The following LRIT2 variants were observed in gnomAD, a reference collection of about 807,000 sequenced individuals.
LRIT2 encodes leucine rich repeat, Ig-like and transmembrane domains 2, also known as leucine-rich repeat, immunoglobulin-like domain and transmembrane domain-containing protein 2.
In LRIT2, 23 loss-of-function variants were observed where a neutral mutation model predicts 22.4. That is an observed-to-expected ratio of 1.03 (90% CI 0.74 to 1.45). The LOEUF (loss-of-function observed/expected upper bound fraction) is 1.45, where lower values mean the gene tolerates loss of function less well. Ranked by LOEUF, LRIT2 falls within the 40% of genes most tolerant of loss-of-function variation. The pLI is 0.00. For missense variants in LRIT2, 784 were observed against 665.6 expected, an observed-to-expected ratio of 1.18 and a Z score of -1.96; for synonymous variants, 291 against 267.1, an observed-to-expected ratio of 1.09 and a Z score of -0.87.
chr10:84,225,315 G>T, intron 1 of LRIT2, 96 bp downstream of exon 1: 2 of 1,422,856 alleles, frequency 1.4e-6, no homozygotes, highest in Non-Finnish European at 1.9e-6. Flanking sequence ...GAGTTTTGCT[G>T]ATTTCCTGCC....
rs886272727 is a variant in LRIT2 at position 84,221,752 on chromosome 10, A to G, written c.*168T>C. ...ACTATGTCCCCTTTATCATGAAGATAAAGACTCTGTTTCCCTTTTTACTCT... is the reference window on the plus strand; with the variant it reads ...ACTATGTCCCCTTTATCATGAAGATGAAGACTCTGTTTCCCTTTTTACTCT... On this transcript the variant is annotated 3_prime_UTR_variant, in exon 3 of 3. Transcript: ENST00000372113. 1.6e-5 allele frequency: 8 copies of G among 492,554 alleles called. No homozygotes were observed. The highest frequency in any genetic ancestry group is 1.1e-3 in the Middle Eastern group (2 of 1,824). 30.5% of individuals were successfully genotyped at this position (492,554 alleles called of 1,614,324 possible). A position where few individuals can be genotyped will look rare whatever the true frequency, so the allele number is the denominator to read the frequency against.
chr10:84,224,009 G>A (rs1165260543), intron 2 of LRIT2, among the ~76,000 whole-genome samples: 1 of 152,220 alleles, frequency 6.6e-6, no homozygotes, highest in Non-Finnish European at 1.5e-5. Flanking sequence ...TTTGCATCTA[G>A]AAGATTCCCA....
intron 2 of LRIT2, among the ~76,000 whole-genome samples, chr10:84,223,331 C>T (rs1218622573): frequency 6.6e-6 from 1 of 151,976 alleles, no homozygotes; most frequent in Non-Finnish European, 1.5e-5. Context: ...AACACGTTGC[C>T]AAACAGTGAT....
In LRIT2 at chr10:84,220,934, T is replaced by C. The variant is rs766126878; in HGVS notation, c.*986A>G. 6.6e-6 allele frequency: 1 copy of C among 152,208 alleles called. No individual in the cohort carries two copies. The highest frequency in any genetic ancestry group is 1.5e-5 in the Non-Finnish European group (1 of 68,048). 9.4% of individuals were successfully genotyped at this position (152,208 alleles called of 1,614,324 possible). A position where few individuals can be genotyped will look rare whatever the true frequency, so the allele number is the denominator to read the frequency against. The stretch of plus-strand genomic sequence containing the variant: ...GTGAGGGAAACGGCAGGGAGACAGA[T>C]GTGAATTAAATCCTGGGAATGGTCT... On this transcript the variant is annotated 3_prime_UTR_variant, in exon 3 of 3. Coordinates refer to ENST00000372113, the MANE Select transcript of LRIT2 (RefSeq NM_001017924.5).
rs759806153 is a variant in LRIT2, at chr10:84,225,511, C to T, written c.10G>A (p.Val4Ile). The T allele has an allele frequency of 6.2e-7, 1 of 1,613,758 alleles. No homozygotes were observed. The highest frequency in any genetic ancestry group is 8.5e-7 in the Non-Finnish European group (1 of 1,179,918). The change falls in exon 1 of 3, where the codon GTT becomes ATT. Residue 4 changes from valine (V) to isoleucine (I), a missense_variant. By Grantham distance (29) the Val-to-Ile change is conservative. Coordinates refer to ENST00000372113, the MANE Select transcript of LRIT2 (RefSeq NM_001017924.5). MASVFHYFLLVLVF... is the reference protein window; with the variant it reads MASIFHYFLLVLVF... ...AGAACTAACAGGAAGTAATGAAAAA[C>T]TGAAGCCATATTTCTCTGTAAGAAA...
At chr10:84,222,877 T>C (rs1842526413) in intron 2 of LRIT2, 197 bp from the exon 3 acceptor site, 1 of 714,044 alleles carries the variant, frequency 1.4e-6, no homozygotes, top group Non-Finnish European at 2.5e-6. Flanking sequence ...AAATAACTGA[T>C]CTTTACACAT....
At position 84,224,754 on chromosome 10, in the gene LRIT2, G is replaced by A; in HGVS notation, c.471C>T (p.Asp157=). ...LQFLVSLTYL[D]LSSNRLTVVS... ...CAACTGTAAGCCTATTGGAGGATAGGTCAAGGTAGGTCAGGCTGACCAAGA... is the reference window on the plus strand; with the variant it reads ...CAACTGTAAGCCTATTGGAGGATAGATCAAGGTAGGTCAGGCTGACCAAGA... The change falls in exon 2 of 3, where the codon GAC becomes GAT. Residue 157 remains aspartate (D), a synonymous_variant. Transcript: ENST00000372113. 6.2e-7 allele frequency: 1 copy of A among 1,614,160 alleles called. No homozygotes were observed. Among genetic ancestry groups the A allele is most frequent in the Non-Finnish European group, 8.5e-7 (1 of 1,180,032 alleles).
At position 84,222,081 on chromosome 10, in the gene LRIT2, G is replaced by T. The variant is rs372043491; in HGVS notation, c.1492C>A (p.Arg498Ser). 1.9e-6 allele frequency: 3 copies of T among 1,609,990 alleles called. No individual in the cohort carries two copies. Among genetic ancestry groups the T allele is most frequent in the East Asian group, 2.2e-5 (1 of 44,804 alleles). Residue 498 changes from arginine to serine, a missense_variant, in exon 3 of 3, where the codon CGC (arginine) becomes AGC (serine). Coordinates refer to ENST00000372113, the MANE Select transcript of LRIT2 (RefSeq NM_001017924.5). ...GPCSCSKWVL[R>S]GCLHRRKAPS... ...GCTTTCCTGCGATGAAGACAGCCGC[G>T]CAGGACCCACTTGCTGCAGCTGCAG...
In LRIT2 at chr10:84,222,224, G is replaced by C. The variant is rs199723896; in HGVS notation, c.1349C>G (p.Thr450Arg). 3.1e-6 allele frequency: 5 copies of C among 1,614,236 alleles called. No homozygotes were observed. Among genetic ancestry groups the C allele is most frequent in the East Asian group, 2.2e-5 (1 of 44,886 alleles). ...PHQGQCVAFV[T>R]GRDAGGLEAR... ...CTCTAGCCCACCAGCATCTCTGCCT[G>C]TTACAAAAGCTACACACTGGCCCTG... is the stretch of plus-strand genomic sequence containing the variant. The change falls in exon 3 of 3, where the codon ACA becomes AGA. Residue 450 changes from threonine (T) to arginine (R), a missense_variant. By Grantham distance (71) the Thr-to-Arg change is moderately conservative. Transcript: ENST00000372113.
chr10:84,222,737 T>C lies in LRIT2; in HGVS notation c.893-57A>G, dbSNP rs1589316443. The C allele has an allele frequency of 5.7e-6, 9 of 1,584,780 alleles. 1 individual carries two copies. The East Asian group carries it at 2.0e-4, about 36-fold the overall frequency. On this transcript the variant is annotated intron_variant, in intron 2 of 2. Transcript: ENST00000372113. ...ATTTATCTGATAGACTGCTGGAAAG[T>C]GTCTAGCAATGCCAGTTTTGTTTTG...
rs746969088 is a variant in LRIT2 at position 84,222,410 on chromosome 10, G to T, written c.1163C>A (p.Thr388Asn). ...GAGGGTGAACCACTCCTCCTTAGAG[G>T]TGTCAGCCACTGCAAGCCACTCCAG... ...ILLEWLAVAD[T>N]SKEEWFTLYI... The change falls in exon 3 of 3, where the codon ACC (threonine) becomes AAC (asparagine). Residue 388 changes from threonine to asparagine, a missense_variant. By Grantham distance (65) the Thr-to-Asn change is moderately conservative (BLOSUM62 0). Transcript: ENST00000372113. 2 of 1,614,128 alleles carry T rather than the reference G, an allele frequency of 1.2e-6. No homozygotes were observed. The highest frequency in any genetic ancestry group is 1.7e-6 in the Non-Finnish European group (2 of 1,180,034).
Position 84,224,886 on chromosome 10 carries a change from G to A in LRIT2, c.339C>T (p.Asn113=). 1 of 1,614,176 alleles carries A rather than the reference G, an allele frequency of 6.2e-7. No homozygotes were observed. The highest frequency in any genetic ancestry group is 8.5e-7 in the Non-Finnish European group (1 of 1,180,018). ...CTGTCCATGGTACTGAGCAGAGCTT[G>A]TTCCCCTCCAGTCTCAGCTCCCTCA... ...PELRELRLEG[N]KLCSVPWTAF... Residue 113 remains asparagine (N), a synonymous_variant, in exon 2 of 3, where the codon AAC becomes AAT. Coordinates refer to ENST00000372113, the MANE Select transcript of LRIT2 (RefSeq NM_001017924.5).
At position 84,224,950 on chromosome 10, in the gene LRIT2, C is replaced by G; in HGVS notation, c.275G>C (p.Ser92Thr). Residue 92 changes from serine to threonine, a missense_variant, in exon 2 of 3, where the codon AGT (serine) becomes ACT (threonine). Ser to Thr is a moderately conservative substitution (Grantham distance 58). Coordinates refer to ENST00000372113, the MANE Select transcript of LRIT2 (RefSeq NM_001017924.5). Reference sequence around the variant, plus strand: ...TTCCAGGGCTCCTAGGTGGATCACACTGATATTGTTAAAATTGAGCCAGAG... The same window carrying G: ...TTCCAGGGCTCCTAGGTGGATCACAGTGATATTGTTAAAATTGAGCCAGAG... ...EYLWLNFNNI[S>T]VIHLGALEHL... The G allele has an allele frequency of 6.2e-7, 1 of 1,614,140 alleles. No individual in the cohort carries two copies. The highest frequency in any genetic ancestry group is 8.5e-7 in the Non-Finnish European group (1 of 1,180,030).
chr10:84,225,303 T>G, intron 1 of LRIT2, 108 bp downstream of exon 1: 2 of 1,353,806 alleles, frequency 1.5e-6, no homozygotes, highest in Non-Finnish European at 2.0e-6. Context: ...ATGAGTCTCA[T>G]AGAGTTTTGC....
chr10:84,223,297 T>C (rs528268132), intron 2 of LRIT2, among the ~76,000 whole-genome samples: 62 of 152,240 alleles, frequency 4.1e-4, no homozygotes, highest in Non-Finnish European at 7.8e-4. Context: ...GTTCAATGCT[T>C]ATATTTTTAC....
At position 84,220,647 on chromosome 10, in the gene LRIT2, G is replaced by A. The variant is rs977186008; in HGVS notation, c.*1273C>T. On this transcript the variant is annotated 3_prime_UTR_variant, in exon 3 of 3. Coordinates refer to ENST00000372113, the MANE Select transcript of LRIT2 (RefSeq NM_001017924.5). ...GATTATGAACACAATCCAGGTATTA[G>A]ACGAGTGCAGTGGCCACCGTGAGGA... 6.6e-6 allele frequency: 1 copy of A among 152,142 alleles called. No individual in the cohort carries two copies. The highest frequency in any genetic ancestry group is 2.4e-5 in the African/African-American group (1 of 41,434). The allele number at this position is 152,142 out of a possible 1,614,324, so 9.4% of individuals were successfully genotyped here. A position where few individuals can be genotyped will look rare whatever the true frequency, so the allele number is the denominator to read the frequency against.
chr10:84,222,393 A>T lies in LRIT2; in HGVS notation c.1180T>A (p.Phe394Ile), dbSNP rs200602947. The T allele has an allele frequency of 6.8e-6, 11 of 1,613,972 alleles. No homozygotes were observed. In the Admixed American group the frequency reaches 1.2e-4, roughly 17 times the overall value. ...AVADTSKEEW[F>I]TLYIASDEAF... ...TCATCCGATGCAATGTAGAGGGTGA[A>T]CCACTCCTCCTTAGAGGTGTCAGCC... is the stretch of plus-strand genomic sequence containing the variant. The change falls in exon 3 of 3, where the codon TTC becomes ATC. Residue 394 changes from phenylalanine to isoleucine, a missense_variant. Phe to Ile is a conservative substitution (Grantham distance 21). Coordinates refer to ENST00000372113, the MANE Select transcript of LRIT2 (RefSeq NM_001017924.5).
Position 84,222,126 on chromosome 10 carries a change from C to T in LRIT2, c.1447G>A (p.Ala483Thr), listed in dbSNP as rs1278581248. 6.2e-7 allele frequency: 1 copy of T among 1,609,362 alleles called. No homozygotes were observed. The highest frequency in any genetic ancestry group is 1.7e-5 in the Admixed American group (1 of 59,942). The change falls in exon 3 of 3, where the codon GCC (alanine) becomes ACC (threonine). Residue 483 changes from alanine (A) to threonine (T), a missense_variant. Coordinates refer to ENST00000372113, the MANE Select transcript of LRIT2 (RefSeq NM_001017924.5). ...CTGCAGGGGCCCTGGGCTGCCCAGG[C>T]ATAGGCGCCCACAGGCACTGCAAGC... ...VLLAVPVGAY[A>T]WAAQGPCSCS...
Position 84,220,764 on chromosome 10 carries a change from T to C in LRIT2, c.*1156A>G, listed in dbSNP as rs1214858718. ...AGAGGTGTGAAGTCAAGGAAAGCTC[T>C]GTGGAAGACGTAATGTACACACTTG... is the stretch of plus-strand genomic sequence containing the variant. On this transcript the variant is annotated 3_prime_UTR_variant, in exon 3 of 3. Transcript: ENST00000372113. The C allele has an allele frequency of 6.6e-6, 1 of 152,156 alleles. No homozygotes were observed. The highest frequency in any genetic ancestry group is 1.5e-5 in the Non-Finnish European group (1 of 68,022). The allele number at this position is 152,156 out of a possible 1,614,324, so 9.4% of individuals were successfully genotyped here. A position where few individuals can be genotyped will look rare whatever the true frequency, so the allele number is the denominator to read the frequency against.
Sources: gnomAD v4.1 joint callset for allele counts (sites outside exome capture counted in the v4.1 genomes callset) on GRCh38, gnomAD v4.1.1 for gene constraint, MANE v1.5 for transcripts, NCBI Gene and HGNC (gene_info 2026-07-23, HGNC 2026-07-21) for gene names.